The following HELZ variants were observed in gnomAD, a reference collection of about 807,000 sequenced individuals.
HELZ encodes the protein helicase with zinc finger, also known as ATP-dependent RNA helicase with zinc finger domain.
Under a neutral mutation model 218.2 loss-of-function variants are expected in HELZ, and 23 were observed. That is an observed-to-expected ratio of 0.11 (90% CI 0.08 to 0.15). HELZ has a LOEUF of 0.15. Among genes scored for constraint, HELZ ranks in the 10% least tolerant of loss-of-function variants. The pLI, the probability that HELZ is intolerant of heterozygous loss-of-function variation, is 1.00. For missense variants in HELZ, 1,813 were observed against 2,353.7 expected (o/e 0.77, Z 4.75); for synonymous variants, 814 against 829.4 (o/e 0.98, Z 0.32).
In HELZ at chr17:67,108,659, G is replaced by A. The variant is rs532455407; in HGVS notation, c.4557C>T (p.Ser1519=). ...RQQQARFQQW[S]EHHAFLSQGS... ...CCTGACTGAGAAAGGCATGATGCTC[G>A]CTCCACTGCTGGAACCGTGCCTGCT... is the stretch of plus-strand genomic sequence containing the variant. The change falls in exon 30 of 33, where the codon AGC becomes AGT. Residue 1519 remains serine, a synonymous_variant. Transcript: ENST00000358691. The surrounding 1 kb of genome is among the most constrained non-coding windows in gnomAD (Gnocchi z 4.1). 1.5e-5 allele frequency: 25 copies of A among 1,613,948 alleles called. No individual in the cohort carries two copies. The highest frequency in any genetic ancestry group is 1.6e-4 in the Middle Eastern group (1 of 6,084).
At chr17:67,242,859 C>A in intron 2 of HELZ, among the ~76,000 whole-genome samples, 1 of 150,144 alleles carries the variant, frequency 6.7e-6, no homozygotes. Flanking sequence ...AAAAGGATAG[C>A]TTATTCTTCT....
At chr17:67,189,316 G>C (rs1221718513) in intron 11 of HELZ, among the ~76,000 whole-genome samples, 2 of 151,970 alleles carry the variant, frequency 1.3e-5, no homozygotes, top group Non-Finnish European at 1.5e-5. Flanking sequence ...TATGTCCCAA[G>C]TTTAGAAGAC....
At chr17:67,112,016 C>T (rs540697279) in intron 28 of HELZ, among the ~76,000 whole-genome samples, 10 of 152,280 alleles carry the variant, frequency 6.6e-5, no homozygotes, top group South Asian at 6.2e-4. Context: ...GCTAGGTCTG[C>T]GTCACAGAAA....
At chr17:67,212,207 G>A (rs1183095292) in intron 5 of HELZ, among the ~76,000 whole-genome samples, 1 of 150,152 alleles carries the variant, frequency 6.7e-6, no homozygotes, top group Non-Finnish European at 1.5e-5. Flanking sequence ...TGCAATCCCA[G>A]CTACTGGGGA....
rs1193836544 is a variant in HELZ at position 67,224,866 on chromosome 17, TATGGTGGGCAAACTAAGCCG to T, written c.-18-6064_-18-6045del. On this transcript the variant is annotated intron_variant, in intron 3 of 32. Transcript: ENST00000358691. The stretch of plus-strand genomic sequence containing the variant: ...GCGTTATGACATGAAACAGAGTGGC[TATGGTGGGCAAACTAAGCCG>T]ATCTTCCGGAAGAAGGCTAAAACTA... 4 of 854,296 alleles carry T rather than the reference TATGGTGGGCAAACTAAGCCG, an allele frequency of 4.7e-6. No individual in the cohort carries two copies. In the African/African-American group the frequency reaches 6.9e-5, roughly 15 times the overall value. The allele number at this position is 854,296 out of a possible 1,614,324, so 52.9% of individuals were successfully genotyped here.
intron 3 of HELZ, among the ~76,000 whole-genome samples, chr17:67,223,566 C>CA (rs2040809207): frequency 6.6e-6 from 1 of 152,072 alleles, no homozygotes; most frequent in African/African-American, 2.4e-5. Context: ...TCCTGGCTAA[C>CA]AAAGTGAAAC....
rs758973291 is a variant in HELZ, at chr17:67,189,659, T to C, written c.794A>G (p.Asn265Ser). The part of the protein sequence containing the change: ...ECIEGVKVEH[N>S]PDLSVTVSTK... ...GCTGACAGTAACTGACAGGTCAGGA[T>C]TGTGCTCTACCTTTACTCCTTCTAT... Residue 265 changes from asparagine (N) to serine (S), a missense_variant, in exon 11 of 33, where the codon AAT becomes AGT. Coordinates refer to ENST00000358691, the MANE Select transcript of HELZ (RefSeq NM_014877.4). The C allele has an allele frequency of 1.5e-5, 24 of 1,613,670 alleles. No homozygotes were observed. Among genetic ancestry groups the C allele is most frequent in the Middle Eastern group, 1.7e-4 (1 of 6,058 alleles).
chr17:67,211,392 A>G (rs2040446942), intron 5 of HELZ, among the ~76,000 whole-genome samples: 1 of 152,186 alleles, frequency 6.6e-6, no homozygotes, highest in South Asian at 2.1e-4. Flanking sequence ...TTAGAGAGGC[A>G]TACTGAAGTA....
intron 21 of HELZ, among the ~76,000 whole-genome samples, chr17:67,142,545 C>CT (rs896699790): frequency 4.0e-5 from 6 of 151,888 alleles, no homozygotes; most frequent in African/African-American, 7.3e-5. Context: ...GATTTTCAAA[C>CT]TTTTTTTAAA....
Position 67,101,880 on chromosome 17 carries a change from T to C in HELZ, c.5241+5289A>G, listed in dbSNP as rs2036941009. On this transcript the variant is annotated intron_variant, in intron 31 of 32. Coordinates refer to ENST00000358691, the MANE Select transcript of HELZ (RefSeq NM_014877.4). ...CCCAAGCTTACACTGGCATTTAAAA[T>C]CAAATTGGAGCAATTTATCAATCTA... 2.6e-5 allele frequency among the ~76,000 whole-genome samples: 4 copies of C among 152,356 alleles called. No individual in the cohort carries two copies. The South Asian group carries it at 8.3e-4, about 32-fold the overall frequency.
At chr17:67,237,635 G>T (rs2041218642) in intron 3 of HELZ, among the ~76,000 whole-genome samples, 1 of 152,148 alleles carries the variant, frequency 6.6e-6, no homozygotes, top group African/African-American at 2.4e-5. Context: ...AAAATAGCTG[G>T]AGATATTCTT....
Position 67,107,434 on chromosome 17 carries a change from T to C in HELZ, c.4976A>G (p.Asn1659Ser), listed in dbSNP as rs756308745. 11 of 1,613,880 alleles carry C rather than the reference T, an allele frequency of 6.8e-6. No individual in the cohort carries two copies. Among genetic ancestry groups the C allele is most frequent in the East Asian group, 4.5e-5 (2 of 44,870 alleles). Residue 1659 changes from asparagine to serine, a missense_variant, in exon 31 of 33, where the codon AAC becomes AGC. Asn to Ser is a conservative substitution (Grantham distance 46). Transcript: ENST00000358691. ...TTCAGATGGCAACGAGAAAGGTGAG[T>C]TGAATATCTGGGGTGGGAGGCGCTG... ...FPQRLPPQIF[N>S]SPFSLPSEHL...
intron 5 of HELZ, among the ~76,000 whole-genome samples, chr17:67,204,566 C>G (rs1267054219): frequency 2.0e-5 from 3 of 152,078 alleles, no homozygotes; most frequent in Admixed American, 6.5e-5. Flanking sequence ...ACTTATTTAA[C>G]CCTTCCCTTA....
At position 67,201,136 on chromosome 17, in the gene HELZ, T is replaced by A. The variant is rs2040158421; in HGVS notation, c.422A>T (p.Glu141Val). The change falls in exon 7 of 33, where the codon GAA (glutamate) becomes GTA (valine). Residue 141 changes from glutamate to valine, a missense_variant. Coordinates refer to ENST00000358691, the MANE Select transcript of HELZ (RefSeq NM_014877.4). ...CCACTGAAATGGCCTTACCTCTGTT[T>A]CTGAGAGAAGTGTTTTTAGTCTTGT... The part of the protein sequence containing the change: ...DLTRLKTLLS[E>V]TETATSNALS... 4 of 1,604,842 alleles carry A rather than the reference T, an allele frequency of 2.5e-6. No homozygotes were observed. In the East Asian group the frequency reaches 8.9e-5, roughly 36 times the overall value.
At chr17:67,233,867 C>A (rs1424392245) in intron 3 of HELZ, among the ~76,000 whole-genome samples, 1 of 151,558 alleles carries the variant, frequency 6.6e-6, no homozygotes, top group Non-Finnish European at 1.5e-5. Flanking sequence ...ATAGAAACCC[C>A]CACCCCCGTC....
At chr17:67,178,985 C>T in intron 12 of HELZ, 59 bp from the exon 13 acceptor site, 1 of 1,113,148 alleles carries the variant, frequency 9.0e-7, no homozygotes, top group Non-Finnish European at 1.3e-6. Flanking sequence ...TTTTAAATAA[C>T]ATTAAAATTC....
intron 3 of HELZ, among the ~76,000 whole-genome samples, chr17:67,236,340 A>C (rs11872059): frequency 0.22 from 33,785 of 152,148 alleles, 4,588 homozygotes; most frequent in Non-Finnish European, 0.31. Flanking sequence ...AACTGGTATA[A>C]CACCCTTGAA....
At chr17:67,079,177 C>T (rs936237324) in intron 32 of HELZ, among the ~76,000 whole-genome samples, 5 of 152,200 alleles carry the variant, frequency 3.3e-5, no homozygotes, top group Admixed American at 1.3e-4. Flanking sequence ...AATTTTATTG[C>T]TCACTAAACC....
intron 17 of HELZ, among the ~76,000 whole-genome samples, chr17:67,156,583 G>A (rs2038849528): frequency 6.6e-6 from 1 of 152,068 alleles, no homozygotes; most frequent in Non-Finnish European, 1.5e-5. Flanking sequence ...TGACTTGGCA[G>A]CATGCAAAGT....
Sources: allele counts gnomAD v4.1 joint callset (sites outside exome capture counted in the v4.1 genomes callset), GRCh38; gene constraint gnomAD v4.1.1; non-coding constraint Gnocchi (gnomAD v3.1); transcripts MANE v1.5; gene names NCBI Gene and HGNC (gene_info 2026-07-23, HGNC 2026-07-21).